SPCS2: variants seen among roughly 807,000 people sequenced by gnomAD.
SPCS2 encodes the protein SPase 25 kDa subunit.
A neutral mutation model predicts 22.3 loss-of-function variants in SPCS2; 3 were observed. The observed-to-expected ratio is 0.13, with a 90% CI of 0.06 to 0.35. SPCS2 has a LOEUF of 0.35. Ranked by LOEUF, SPCS2 falls within the 10% of genes least tolerant of loss-of-function variation. SPCS2 has a pLI of 1.00. For missense variants in SPCS2, 169 were observed against 280.9 expected (o/e 0.60, Z 2.85); for synonymous variants, 67 against 97.2 (o/e 0.69, Z 1.83).
chr11:74,956,061 C>T (rs1565484807), intron 1 of SPCS2, among the ~76,000 whole-genome samples: 1 of 151,172 alleles, frequency 6.6e-6, no homozygotes, highest in Non-Finnish European at 1.5e-5. Context: ...TCTAGGACAC[C>T]ACTTGCCCCC....
intron 1 of SPCS2, chr11:74,949,606 C>T (rs1320543059): frequency 3.2e-6 from 2 of 624,170 alleles, no homozygotes; most frequent in Non-Finnish European, 6.0e-6. Flanking sequence ...AGAACTTCTT[C>T]TTTTCTCGCA....
At chr11:74,949,439 G>A (rs938656111) in intron 1 of SPCS2, 40 bp downstream of exon 1, 4 of 1,523,544 alleles carry the variant, frequency 2.6e-6, no homozygotes, top group Non-Finnish European at 3.6e-6. Context: ...ATCCTGGGGA[G>A]GCCTGGGAGG....
At chr11:74,968,525 T>G (rs918124868) in intron 3 of SPCS2, among the ~76,000 whole-genome samples, 1 of 149,980 alleles carries the variant, frequency 6.7e-6, no homozygotes, top group African/African-American at 2.4e-5. Context: ...TTTGTTTTTT[T>G]TTTTTTTTGA....
At chr11:74,962,652 G>C (rs1948521074) in intron 1 of SPCS2, among the ~76,000 whole-genome samples, 1 of 152,036 alleles carries the variant, frequency 6.6e-6, no homozygotes, top group African/African-American at 2.4e-5. Flanking sequence ...AGCATGATGA[G>C]AAGTAATAAT....
intron 1 of SPCS2, among the ~76,000 whole-genome samples, chr11:74,949,969 C>T (rs1948352423): frequency 6.6e-6 from 1 of 151,982 alleles, no homozygotes; most frequent in South Asian, 2.1e-4. Context: ...TTTTTCCCCG[C>T]CCTCTCCTCT....
At chr11:74,956,441 G>T (rs951338512) in intron 1 of SPCS2, among the ~76,000 whole-genome samples, 1 of 152,160 alleles carries the variant, frequency 6.6e-6, no homozygotes, top group African/African-American at 2.4e-5. Flanking sequence ...ATTTCAGGTA[G>T]ATACCTCCAT....
chr11:74,955,690 A>T (rs754858990), intron 1 of SPCS2, among the ~76,000 whole-genome samples: 2 of 151,798 alleles, frequency 1.3e-5, no homozygotes, highest in East Asian at 3.9e-4. Flanking sequence ...AGTGAATTTT[A>T]TAGTGTGTGA....
At chr11:74,954,631 T>TTG (rs1283098245) in intron 1 of SPCS2, among the ~76,000 whole-genome samples, 7 of 152,254 alleles carry the variant, frequency 4.6e-5, no homozygotes, top group Middle Eastern at 3.4e-3. Flanking sequence ...ATTACTATAA[T>TTG]TGTGTGTGTG....
intron 1 of SPCS2, among the ~76,000 whole-genome samples, chr11:74,951,649 A>G (rs1012736875): frequency 2.0e-5 from 3 of 151,894 alleles, no homozygotes; most frequent in African/African-American, 7.3e-5. Context: ...CATCTCTACT[A>G]AAAATACAAA....
In SPCS2 at chr11:74,961,035, TAA is replaced by T. The variant is rs59333466; in HGVS notation, c.115-3986_115-3985del. The stretch of plus-strand genomic sequence containing the variant: ...TTTTTCTTTATAAGGATTTAGACAT[TAA>T]AAAAAAAAAAAAGCTATTGAGAGTA... On this transcript the variant is annotated intron_variant, in intron 1 of 4. Transcript: ENST00000263672. Among the ~76,000 whole-genome samples the T allele has an allele frequency of 5.4e-3, 747 of 137,908 alleles. 6 individuals carry two copies. Among genetic ancestry groups the T allele is most frequent in the African/African-American group, 0.018 (701 of 37,982 alleles). 90.5% of individuals were successfully genotyped at this position (137,908 alleles called of 152,430 possible).
chr11:74,952,060 G>C (rs776526566), intron 1 of SPCS2, among the ~76,000 whole-genome samples: 2 of 152,138 alleles, frequency 1.3e-5, no homozygotes, highest in Non-Finnish European at 2.9e-5. Context: ...TTGAAGTAGA[G>C]GAAAGCTGTT....
At chr11:74,964,834 GT>G (rs962845101) in intron 1 of SPCS2, among the ~76,000 whole-genome samples, 199 bp from the exon 2 acceptor site, 9 of 152,076 alleles carry the variant, frequency 5.9e-5, no homozygotes, top group African/African-American at 2.2e-4. Flanking sequence ...GGTCTTTTTT[GT>G]TTGTTTTTAA....
chr11:74,974,398 A>T (rs925057717), intron 4 of SPCS2, among the ~76,000 whole-genome samples: 1 of 151,894 alleles, frequency 6.6e-6, no homozygotes, highest in Non-Finnish European at 1.5e-5. Flanking sequence ...CTCATCTCTC[A>T]CTCATCCAAA....
intron 1 of SPCS2, among the ~76,000 whole-genome samples, chr11:74,959,945 CG>C (rs1948502585): frequency 6.6e-6 from 1 of 152,152 alleles, no homozygotes; most frequent in African/African-American, 2.4e-5. Context: ...AGTGGAGAAA[CG>C]TAACTGAAAT....
At chr11:74,952,514 A>T (rs970707268) in intron 1 of SPCS2, among the ~76,000 whole-genome samples, 2 of 152,056 alleles carry the variant, frequency 1.3e-5, no homozygotes, top group African/African-American at 4.8e-5. Flanking sequence ...ACAAGGTCTC[A>T]CTGTGTTGCC....
At chr11:74,958,108 G>A (rs568030039) in intron 1 of SPCS2, among the ~76,000 whole-genome samples, 2 of 152,300 alleles carry the variant, frequency 1.3e-5, no homozygotes, top group Admixed American at 6.5e-5. Flanking sequence ...TTCATGGGCT[G>A]GGTTGATGTA....
rs143533689 is a variant in SPCS2 at position 74,975,586 on chromosome 11, G to A, written c.495-1271G>A. Among the ~76,000 whole-genome samples the A allele has an allele frequency of 1.5e-3, 223 of 152,318 alleles. 1 individual carries two copies. The highest frequency in any genetic ancestry group is 5.1e-3 in the African/African-American group (211 of 41,558). ...GTAACTGCCAATAAAACTGGGCACAGAAGTCTAAAAATTACTGTGATATCA... is the reference window on the plus strand; with the variant it reads ...GTAACTGCCAATAAAACTGGGCACAAAAGTCTAAAAATTACTGTGATATCA... On this transcript the variant is annotated intron_variant, in intron 4 of 4. Transcript: ENST00000263672.
chr11:74,953,377 G>C (rs1948457695), intron 1 of SPCS2, among the ~76,000 whole-genome samples: 1 of 152,104 alleles, frequency 6.6e-6, no homozygotes, highest in Non-Finnish European at 1.5e-5. Flanking sequence ...ATATTTAGTA[G>C]AGACAGGGTT....
At chr11:74,960,286 C>T (rs1235193987) in intron 1 of SPCS2, among the ~76,000 whole-genome samples, 2 of 152,224 alleles carry the variant, frequency 1.3e-5, no homozygotes, top group African/African-American at 4.8e-5. Context: ...GAGCTGAGAT[C>T]GCGCCACTGC....
Sources: gnomAD v4.1 joint callset for allele counts (sites outside exome capture counted in the v4.1 genomes callset) on GRCh38, gnomAD v4.1.1 for gene constraint, MANE v1.5 for transcripts, NCBI Gene and HGNC (gene_info 2026-07-23, HGNC 2026-07-21) for gene names.